MYPN: variants seen among roughly 807,000 people sequenced by gnomAD.
MYPN encodes myopalladin, also known as sarcomeric protein myopalladin, 145 kDa (MYOP).
In MYPN, 63 loss-of-function variants were observed where a neutral mutation model predicts 129.4. That is an observed-to-expected ratio of 0.49 (90% CI 0.40 to 0.60). The LOEUF is 0.60. Among genes scored for constraint, MYPN ranks in the 20% least tolerant of loss-of-function variants. The pLI is 0.00. For synonymous variants in MYPN, 629 were observed against 600.9 expected, an observed-to-expected ratio of 1.05 and a Z score of -0.68; for missense variants, 1,596 against 1,635.4, an observed-to-expected ratio of 0.98 and a Z score of 0.42.
chr10:68,133,021 ATT>A lies in MYPN; in HGVS notation c.903-9898_903-9897del, dbSNP rs35346306. The stretch of plus-strand genomic sequence containing the variant: ...TATAGAATGCCATGTGTAGACCTCA[ATT>A]TTTTTTTTTTTTTTTTTTTTGAGAT... On this transcript the variant is annotated intron_variant, in intron 2 of 19. Coordinates refer to ENST00000358913, the MANE Select transcript of MYPN (RefSeq NM_032578.4). Among the ~76,000 whole-genome samples, 157 of 116,206 alleles carry A rather than the reference ATT, an allele frequency of 1.4e-3. No homozygotes were observed. In the East Asian group the frequency reaches 0.022, roughly 16 times the overall value. The allele number at this position is 116,206 out of a possible 152,430, so 76.2% of individuals were successfully genotyped here. A position where few individuals can be genotyped will look rare whatever the true frequency, so the allele number is the denominator to read the frequency against.
intron 1 of MYPN, among the ~76,000 whole-genome samples, chr10:68,119,562 C>G (rs2042210396): frequency 6.6e-6 from 1 of 152,006 alleles, no homozygotes; most frequent in Non-Finnish European, 1.5e-5. Flanking sequence ...AGGCGCCCAC[C>G]ACCACGCCCA....
upstream of MYPN, among the ~76,000 whole-genome samples, chr10:68,108,458 A>T (rs182652629): frequency 1.3e-5 from 2 of 152,352 alleles, no homozygotes; most frequent in Non-Finnish European, 2.9e-5. Context: ...AGTAGGCATT[A>T]CGAAAATAAT....
intron 1 of MYPN, among the ~76,000 whole-genome samples, chr10:68,119,647 G>A (rs2042211951): frequency 6.6e-6 from 1 of 152,126 alleles, no homozygotes; most frequent in South Asian, 2.1e-4. Context: ...CCTGACCTCA[G>A]GTGATCCACC....
At chr10:68,148,525 C>A in intron 5 of MYPN, 58 bp downstream of exon 5, 1 of 1,354,756 alleles carries the variant, frequency 7.4e-7, no homozygotes, top group Non-Finnish European at 1.1e-6. Context: ...GTCATGGTGA[C>A]CATGACCATC....
chr10:68,105,819 A>G (rs2042007471), upstream of MYPN, among the ~76,000 whole-genome samples: 1 of 152,200 alleles, frequency 6.6e-6, no homozygotes, highest in Non-Finnish European at 1.5e-5. Context: ...CTGTGTATAG[A>G]TATCTTATGT....
intron 17 of MYPN, 34 bp from the exon 18 acceptor site, chr10:68,201,795 G>C: frequency 6.4e-7 from 1 of 1,556,814 alleles, no homozygotes; most frequent in South Asian, 1.2e-5. Context: ...AAAAAAAAAA[G>C]AAAGAAAAAA....
intron 10 of MYPN, among the ~76,000 whole-genome samples, chr10:68,171,812 A>G (rs556234236): frequency 1.2e-4 from 18 of 152,312 alleles, no homozygotes; most frequent in Admixed American, 9.8e-4. Flanking sequence ...ATTTGCACCA[A>G]TTTCAAGCTA....
intron 1 of MYPN, among the ~76,000 whole-genome samples, chr10:68,120,308 CATT>C (rs1402467297): frequency 1.3e-5 from 2 of 152,146 alleles, no homozygotes; most frequent in African/African-American, 4.8e-5. Context: ...AATTGGCTTG[CATT>C]ATTATATTAC....
chr10:68,116,270 T>A (rs1414675588), intron 1 of MYPN, among the ~76,000 whole-genome samples: 5 of 125,264 alleles, frequency 4.0e-5, no homozygotes, highest in African/African-American at 1.8e-4. Flanking sequence ...AGAAAGTTTT[T>A]AAATTAATGC....
intron 6 of MYPN, among the ~76,000 whole-genome samples, chr10:68,151,989 G>A (rs1198146133): frequency 6.6e-6 from 1 of 152,150 alleles, no homozygotes; most frequent in Non-Finnish European, 1.5e-5. Context: ...TACCTTTAGG[G>A]AGACATGAGA....
At chr10:68,140,974 G>C (rs1355217554) in intron 2 of MYPN, among the ~76,000 whole-genome samples, 2 of 152,120 alleles carry the variant, frequency 1.3e-5, no homozygotes, top group African/African-American at 4.8e-5. Flanking sequence ...TGGGAGGCTG[G>C]AGTGGGAGGA....
chr10:68,184,958 C>T (rs1021519574), intron 12 of MYPN, among the ~76,000 whole-genome samples: 7 of 152,146 alleles, frequency 4.6e-5, no homozygotes, highest in Non-Finnish European at 1.0e-4. Flanking sequence ...GCCACACAGC[C>T]TCCCCATTCC....
chr10:68,169,122 G>A (rs1372764342), intron 10 of MYPN, among the ~76,000 whole-genome samples: 1 of 148,494 alleles, frequency 6.7e-6, no homozygotes. Context: ...AAGGCGGGCG[G>A]ATCACGAGTT....
chr10:68,094,436 A>G (rs2041945976), intron 1 of MYPN, among the ~76,000 whole-genome samples: 1 of 151,058 alleles, frequency 6.6e-6, no homozygotes, highest in Non-Finnish European at 1.5e-5. Context: ...CAATATTTGT[A>G]TTTTTAGTAG....
intron 18 of MYPN, among the ~76,000 whole-genome samples, chr10:68,203,331 G>A (rs2043749997): frequency 6.6e-6 from 1 of 152,150 alleles, no homozygotes; most frequent in East Asian, 1.9e-4. Context: ...GCTCATGCCT[G>A]TAATCCCAAC....
chr10:68,203,408 G>A (rs951196896), intron 18 of MYPN, among the ~76,000 whole-genome samples: 2 of 150,728 alleles, frequency 1.3e-5, no homozygotes, highest in Non-Finnish European at 3.0e-5. Flanking sequence ...GGGCAACATA[G>A]CAAGACCCCA....
At chr10:68,103,490 A>C (rs2041991739), upstream of MYPN, among the ~76,000 whole-genome samples, 1 of 152,234 alleles carries the variant, frequency 6.6e-6, no homozygotes, top group South Asian at 2.1e-4. Context: ...AAAGTCAATA[A>C]AACTAAAGTG....
intron 1 of MYPN, among the ~76,000 whole-genome samples, chr10:68,088,553 C>G (rs2041916938): frequency 6.6e-6 from 1 of 152,126 alleles, no homozygotes; most frequent in South Asian, 2.1e-4. Flanking sequence ...TGATCTATCA[C>G]TCTCCATTGT....
In MYPN at chr10:68,121,831, C is replaced by T. The variant is rs1404398188; in HGVS notation, c.393C>T (p.Ser131=). The T allele has an allele frequency of 6.2e-7, 1 of 1,614,134 alleles. No individual in the cohort carries two copies. The highest frequency in any genetic ancestry group is 1.1e-5 in the South Asian group (1 of 91,080). The change falls in exon 2 of 20, where the codon AGC becomes AGT. Residue 131 remains serine (S), a synonymous_variant. Transcript: ENST00000358913. ...NPRSPTSSKE[S]PQEAKRPQYC... ...GAAGTCCCACCAGCTCTAAAGAAAG[C>T]CCCCAGGAGGCAAAAAGGCCACAGT... is the stretch of plus-strand genomic sequence containing the variant.
Sources: gnomAD v4.1 joint callset for allele counts (sites outside exome capture counted in the v4.1 genomes callset) on GRCh38, gnomAD v4.1.1 for gene constraint, MANE v1.5 for transcripts, NCBI Gene and HGNC (gene_info 2026-07-23, HGNC 2026-07-21) for gene names.